The following UPP2 variants were observed in gnomAD, a reference collection of about 807,000 sequenced individuals.
The protein encoded by UPP2 is uridine phosphorylase 2.
In UPP2, 23 loss-of-function variants were observed where a neutral mutation model predicts 26.7. The observed-to-expected ratio is 0.86, with a 90% CI of 0.62 to 1.22. UPP2 has a LOEUF of 1.22. Ranked by LOEUF, UPP2 falls within the 50% of genes most tolerant of loss-of-function variation. The pLI is 0.00. For synonymous variants in UPP2, 127 were observed against 141.3 expected (o/e 0.90, Z 0.72); for missense variants, 387 against 396.7 (o/e 0.98, Z 0.21).
At chr2:158,070,465 G>A (rs747010927) in intron 3 of UPP2, among the ~76,000 whole-genome samples, 14 of 152,220 alleles carry the variant, frequency 9.2e-5, no homozygotes, top group Non-Finnish European at 1.5e-4. Context: ...AAAGCTGTAT[G>A]GTTTCCTTAT....
intron 3 of UPP2, among the ~76,000 whole-genome samples, chr2:158,055,159 G>C (rs776944123): frequency 6.6e-6 from 1 of 152,220 alleles, no homozygotes; most frequent in Non-Finnish European, 1.5e-5. Context: ...CATCTGGTGA[G>C]AGCCTTATTG....
intron 3 of UPP2, among the ~76,000 whole-genome samples, chr2:158,115,548 C>T (rs558912433): frequency 6.6e-6 from 1 of 152,284 alleles, no homozygotes; most frequent in East Asian, 1.9e-4. Context: ...ACCCCCGCCA[C>T]GGCAATTTTC....
At chr2:158,125,011 A>G (rs994165455) in intron 6 of UPP2, among the ~76,000 whole-genome samples, 13 of 150,896 alleles carry the variant, frequency 8.6e-5, no homozygotes, top group African/African-American at 3.2e-4. Flanking sequence ...CAATGAGTCT[A>G]GGCACAGATG....
In UPP2 at chr2:158,037,470, C is replaced by T. The variant is rs139805337; in HGVS notation, c.147+21584C>T. ...GCACAAACTGGATAGCTTAAAATCA[C>T]AGAAATGTATTCTCTGATTGTTCTA... On this transcript the variant is annotated intron_variant, in intron 3 of 9. Coordinates refer to the UPP2 transcript ENST00000605860. 1.9e-3 allele frequency among the ~76,000 whole-genome samples: 291 copies of T among 152,296 alleles called. 2 individuals are homozygous for T. Among genetic ancestry groups the T allele is most frequent in the Middle Eastern group, 0.01 (3 of 294 alleles).
intron 3 of UPP2, among the ~76,000 whole-genome samples, chr2:158,048,675 C>A (rs7560781): frequency 3.9e-5 from 6 of 152,030 alleles, no homozygotes; most frequent in Admixed American, 1.3e-4. Context: ...AGCTTTTGCC[C>A]TTTGTAGTGC....
At chr2:158,004,713 T>C (rs1683463075) in intron 2 of UPP2, among the ~76,000 whole-genome samples, 1 of 152,234 alleles carries the variant, frequency 6.6e-6, no homozygotes, top group African/African-American at 2.4e-5. Flanking sequence ...GATCTGTCCC[T>C]TTCCTTCATA....
In UPP2 at chr2:158,070,865, G is replaced by GGAGGGAGAGCACAGT. The variant is rs370771620; in HGVS notation, c.148-31172_148-31158dup. 3.9e-5 allele frequency among the ~76,000 whole-genome samples: 6 copies of GGAGGGAGAGCACAGT among 152,260 alleles called. No homozygotes were observed. In the South Asian group the frequency reaches 8.3e-4, roughly 21 times the overall value. ...TGGAGAGGGAATCTGAGCACTTTAG[G>GGAGGGAGAGCACAGT]GAGGGAGAGCACAGTGACTGTAGGA... On this transcript the variant is annotated intron_variant, in intron 3 of 9. Coordinates refer to the UPP2 transcript ENST00000605860.
intron 2 of UPP2, among the ~76,000 whole-genome samples, chr2:157,999,962 AG>A (rs1466596494): frequency 2.0e-5 from 3 of 152,270 alleles, no homozygotes; most frequent in East Asian, 3.9e-4. Flanking sequence ...GGAAGGAGAG[AG>A]AGAGGGAGAA....
At chr2:158,087,577 G>T (rs181116479) in intron 3 of UPP2, among the ~76,000 whole-genome samples, 274 of 152,086 alleles carry the variant, frequency 1.8e-3, no homozygotes, top group African/African-American at 3.8e-3. Flanking sequence ...TTGTGCTTTT[G>T]TTATATAGAT....
At chr2:158,080,239 C>T (rs1240456337) in intron 3 of UPP2, among the ~76,000 whole-genome samples, 1 of 151,748 alleles carries the variant, frequency 6.6e-6, no homozygotes, top group African/African-American at 2.4e-5. Context: ...TATATATTTT[C>T]TTATTTTATC....
At chr2:158,055,661 G>A (rs1005469029) in intron 3 of UPP2, among the ~76,000 whole-genome samples, 1 of 152,080 alleles carries the variant, frequency 6.6e-6, no homozygotes, top group Non-Finnish European at 1.5e-5. Flanking sequence ...TATTTAACAG[G>A]CTGTGCAACT....
chr2:158,041,684 CTT>C (rs1684083348), intron 3 of UPP2, among the ~76,000 whole-genome samples: 1 of 152,152 alleles, frequency 6.6e-6, no homozygotes, highest in Non-Finnish European at 1.5e-5. Context: ...TAAGTGGAAA[CTT>C]ATGATTAAAT....
At chr2:158,039,710 A>G (rs190568650) in intron 3 of UPP2, among the ~76,000 whole-genome samples, 126 of 152,272 alleles carry the variant, frequency 8.3e-4, no homozygotes, top group African/African-American at 2.8e-3. Context: ...CTTAGACCCC[A>G]CTCCAAATCT....
chr2:158,123,873 G>T lies in UPP2; in HGVS notation c.789G>T (p.Met263Ile). 1 of 1,613,984 alleles carries T rather than the reference G, an allele frequency of 6.2e-7. No homozygotes were observed. Among genetic ancestry groups the T allele is most frequent in the Non-Finnish European group, 8.5e-7 (1 of 1,179,866 alleles). The stretch of plus-strand genomic sequence containing the variant: ...TGGAATCTACAGTGTTTGCAGCTAT[G>T]TGTGGACTCTGTGGTCTAAAAGGTA... ...IEMESTVFAAMCGLCGLKAAV... is the reference protein window; with the variant it reads ...IEMESTVFAAICGLCGLKAAV... The change falls in exon 6 of 7, where the codon ATG becomes ATT. Residue 263 changes from methionine (M) to isoleucine (I), a missense_variant. Coordinates refer to ENST00000005756, the MANE Select transcript of UPP2 (RefSeq NM_173355.4).
chr2:158,059,595 G>C (rs114342557), intron 3 of UPP2, among the ~76,000 whole-genome samples: 1 of 152,186 alleles, frequency 6.6e-6, no homozygotes, highest in Non-Finnish European at 1.5e-5. Context: ...ACTTGACTTT[G>C]GTCATATTGG....
intron 4 of UPP2, 46 bp downstream of exon 4, chr2:158,117,984 T>C (rs768088479): frequency 2.0e-6 from 3 of 1,501,004 alleles, no homozygotes; most frequent in East Asian, 2.3e-5. Flanking sequence ...GATCCTTACA[T>C]ACATGGTAGC....
At chr2:158,015,101 G>A (rs1683637946) in intron 2 of UPP2, among the ~76,000 whole-genome samples, 1 of 152,166 alleles carries the variant, frequency 6.6e-6, no homozygotes, top group Non-Finnish European at 1.5e-5. Flanking sequence ...AACACACAAT[G>A]TCAAATTTAC....
At chr2:157,995,799 C>G (rs2105458941) in intron 2 of UPP2, among the ~76,000 whole-genome samples, 1 of 151,768 alleles carries the variant, frequency 6.6e-6, no homozygotes, top group East Asian at 1.9e-4. Context: ...TTATACTGAG[C>G]ATTAATGGTT....
chr2:158,020,998 T>A (rs1338959850), intron 3 of UPP2, among the ~76,000 whole-genome samples: 1 of 152,224 alleles, frequency 6.6e-6, no homozygotes, highest in Non-Finnish European at 1.5e-5. Context: ...CAGCTGCTGC[T>A]TGGCTCTACT....
Sources: gnomAD v4.1 joint callset for allele counts (sites outside exome capture counted in the v4.1 genomes callset) on GRCh38, gnomAD v4.1.1 for gene constraint, MANE v1.5 for transcripts, NCBI Gene and HGNC (gene_info 2026-07-23, HGNC 2026-07-21) for gene names.